Variants in CA10 observed in about 807,000 individuals in gnomAD.
The protein encoded by CA10 is carbonic anhydrase-related protein 10.
A neutral mutation model predicts 44.2 loss-of-function variants in CA10; 14 were observed. The ratio of observed to expected loss-of-function variants is 0.32; its 90% CI spans 0.21 to 0.50. The LOEUF is 0.50. Ranked by LOEUF, CA10 falls within the 20% of genes least tolerant of loss-of-function variation. The pLI, the probability that CA10 is intolerant of heterozygous loss-of-function variation, is 0.99. For missense variants in CA10, 350 were observed against 409.7 expected (o/e 0.85, Z 1.26); for synonymous variants, 159 against 141.6 (o/e 1.12, Z -0.87).
intron 4 of CA10, among the ~76,000 whole-genome samples, chr17:51,681,506 G>A (rs1010232713): frequency 2.6e-5 from 4 of 152,094 alleles, no homozygotes; most frequent in African/African-American, 7.2e-5. Context: ...GGGCTACCTT[G>A]TACATTGTAG....
At chr17:51,939,616 A>G (rs1039058943) in intron 2 of CA10, among the ~76,000 whole-genome samples, 2 of 152,218 alleles carry the variant, frequency 1.3e-5, no homozygotes, top group African/African-American at 4.8e-5. Context: ...AATCTACAGG[A>G]AGAAATGGTA....
intron 3 of CA10, among the ~76,000 whole-genome samples, chr17:51,780,052 ACT>A (rs1905993629): frequency 6.6e-6 from 1 of 150,448 alleles, no homozygotes; most frequent in Non-Finnish European, 1.5e-5. Context: ...GGCAATTAAT[ACT>A]TTTTAACAGA....
chr17:51,696,639 C>T (rs1159641731), intron 4 of CA10, among the ~76,000 whole-genome samples: 2 of 151,944 alleles, frequency 1.3e-5, no homozygotes, highest in Non-Finnish European at 2.9e-5. Context: ...GAGGTTAGTT[C>T]GTTCTTGTTT....
At chr17:51,809,671 A>C (rs951591323) in intron 3 of CA10, among the ~76,000 whole-genome samples, 6 of 152,192 alleles carry the variant, frequency 3.9e-5, no homozygotes, top group Non-Finnish European at 7.3e-5. Context: ...TGAACAATGG[A>C]GGACCTCACT....
intron 2 of CA10, among the ~76,000 whole-genome samples, chr17:52,055,203 A>C (rs1987191587): frequency 6.6e-6 from 1 of 152,114 alleles, no homozygotes; most frequent in Non-Finnish European, 1.5e-5. Context: ...AGTAACACCT[A>C]GGACTATCTT....
At chr17:51,694,038 C>G (rs1274526790) in intron 4 of CA10, among the ~76,000 whole-genome samples, 1 of 152,038 alleles carries the variant, frequency 6.6e-6, no homozygotes, top group Non-Finnish European at 1.5e-5. Context: ...AATCCTGTCT[C>G]TACTGAAAAT....
chr17:51,975,375 T>C (rs1163237848), intron 2 of CA10, among the ~76,000 whole-genome samples: 1 of 152,176 alleles, frequency 6.6e-6, no homozygotes, highest in Non-Finnish European at 1.5e-5. Context: ...ACTGTCAGAT[T>C]ATATTTAAAA....
At chr17:51,871,294 T>A (rs1014681168) in intron 3 of CA10, among the ~76,000 whole-genome samples, 3 of 151,458 alleles carry the variant, frequency 2.0e-5, no homozygotes, top group Non-Finnish European at 4.4e-5. Flanking sequence ...TGCAATGGCA[T>A]GATCTCAGCT....
chr17:52,089,445 A>G (rs1047184733), intron 1 of CA10, among the ~76,000 whole-genome samples: 44 of 152,318 alleles, frequency 2.9e-4, no homozygotes, highest in African/African-American at 9.9e-4. Flanking sequence ...ATAGGAAGGC[A>G]CTGTTCTAAG....
rs985364853 is a variant in CA10 at position 51,738,663 on chromosome 17, G to A, written c.465+8970C>T. 7.9e-5 allele frequency among the ~76,000 whole-genome samples: 12 copies of A among 152,200 alleles called. No homozygotes were observed. In the East Asian group the frequency reaches 2.3e-3, roughly 29 times the overall value. ...CTTGTGGATGCTCATCATGGCTTAT[G>A]TTTTGTGAAATAATCTCCCAATGTC... On this transcript the variant is annotated intron_variant, in intron 4 of 8. Coordinates refer to ENST00000451037, the MANE Select transcript of CA10 (RefSeq NM_020178.5).
chr17:51,653,812 A>G lies in CA10; in HGVS notation c.466-76T>C, dbSNP rs1000670663. On this transcript the variant is annotated intron_variant, in intron 4 of 8. Coordinates refer to ENST00000451037, the MANE Select transcript of CA10 (RefSeq NM_020178.5). ...TATGAGGCATAGCACCTGCCCCTAC[A>G]TAAGGGTGAACTGCAAAGTATATTG... 7.3e-6 allele frequency: 6 copies of G among 825,398 alleles called. No individual in the cohort carries two copies. The East Asian group carries it at 1.0e-4, about 14-fold the overall frequency. The allele number at this position is 825,398 out of a possible 1,614,324, so 51.1% of individuals were successfully genotyped here.
At chr17:51,764,222 T>G (rs529401821) in intron 3 of CA10, among the ~76,000 whole-genome samples, 2 of 152,266 alleles carry the variant, frequency 1.3e-5, no homozygotes, top group East Asian at 3.9e-4. Flanking sequence ...AACAGGCCCT[T>G]CACAATCAGG....
At chr17:51,880,514 C>A (rs1598097167) in intron 3 of CA10, among the ~76,000 whole-genome samples, 1 of 152,130 alleles carries the variant, frequency 6.6e-6, no homozygotes, top group South Asian at 2.1e-4. Flanking sequence ...GTTGCCCAGG[C>A]TTGTCTTGAA....
At chr17:51,675,583 G>T (rs1052995603) in intron 4 of CA10, among the ~76,000 whole-genome samples, 1 of 151,300 alleles carries the variant, frequency 6.6e-6, no homozygotes, top group African/African-American at 2.4e-5. Context: ...AGGTGTGGTG[G>T]CAGGCACCTG....
chr17:51,835,912 G>T (rs1477306821), intron 3 of CA10, among the ~76,000 whole-genome samples: 2 of 152,150 alleles, frequency 1.3e-5, no homozygotes, highest in African/African-American at 4.8e-5. Context: ...AGCTAGAAGG[G>T]TAAGAATTAG....
In CA10 at chr17:51,636,828, A is replaced by G. The variant is rs186047664; in HGVS notation, c.635-819T>C. On this transcript the variant is annotated intron_variant, in intron 6 of 8. Coordinates refer to ENST00000451037, the MANE Select transcript of CA10 (RefSeq NM_020178.5). ...GTGTGTGTGTATTTTTCTCTCTCTCAGGTCTATGCAGATAGCCTTTTCTCT... is the reference window on the plus strand; with the variant it reads ...GTGTGTGTGTATTTTTCTCTCTCTCGGGTCTATGCAGATAGCCTTTTCTCT... Among the ~76,000 whole-genome samples the G allele has an allele frequency of 3.6e-5, 5 of 138,520 alleles. No individual in the cohort carries two copies. In the East Asian group the frequency reaches 8.5e-4, roughly 24 times the overall value. 90.9% of individuals were successfully genotyped at this position (138,520 alleles called of 152,430 possible).
intron 4 of CA10, among the ~76,000 whole-genome samples, chr17:51,707,704 T>TGTGTGTGTGTGTGTGTGTGTG (rs1555587873): frequency 3.3e-5 from 5 of 151,446 alleles, no homozygotes; most frequent in East Asian, 1.9e-4. Flanking sequence ...TGTGTGTGTG[T>TGTGTGTGTGTGTGTGTGTGTG]TTCTCATGTT....
At chr17:51,840,478 TACAC>T (rs3033576) in intron 3 of CA10, among the ~76,000 whole-genome samples, 32,483 of 146,450 alleles carry the variant, frequency 0.22, 3,533 homozygotes, top group East Asian at 0.32. Context: ...CAACCTTTAA[TACAC>T]ACACACACAC....
At chr17:52,146,323 G>A (rs1440775726) in intron 1 of CA10, among the ~76,000 whole-genome samples, 1 of 152,178 alleles carries the variant, frequency 6.6e-6, no homozygotes, top group Admixed American at 6.5e-5. Flanking sequence ...ACTTTGGGAG[G>A]CCAAGGCAGG....
Sources: allele counts gnomAD v4.1 joint callset (sites outside exome capture counted in the v4.1 genomes callset), GRCh38; gene constraint gnomAD v4.1.1; transcripts MANE v1.5; gene names NCBI Gene and HGNC (gene_info 2026-07-23, HGNC 2026-07-21).